Variants in CEP63 observed in about 807,000 individuals in gnomAD.
CEP63 encodes the protein centrosomal protein of 63 kDa.
CEP63 carries 84 observed loss-of-function variants against 89.1 expected under a neutral mutation model. The observed-to-expected ratio is 0.94, with a 90% CI of 0.79 to 1.13. The LOEUF (loss-of-function observed/expected upper bound fraction) is 1.13, where lower values mean the gene tolerates loss of function less well. Among genes scored for constraint, CEP63 ranks in the 50% most tolerant of loss-of-function variants. CEP63 has a pLI of 0.00. For synonymous variants in CEP63, 267 were observed against 272.5 expected (o/e 0.98, Z 0.20); for missense variants, 838 against 813.3 (o/e 1.03, Z -0.37).
chr3:134,526,499 C>T (rs1022882307), intron 3 of CEP63, among the ~76,000 whole-genome samples: 1 of 152,098 alleles, frequency 6.6e-6, no homozygotes, highest in African/African-American at 2.4e-5. Flanking sequence ...TCAGTTCCTG[C>T]ATTGTTTTAT....
the CEP63 span, among the ~76,000 whole-genome samples, chr3:134,697,583 G>A: frequency 2.0e-5 from 3 of 152,176 alleles, no homozygotes; most frequent in African/African-American, 7.2e-5. Flanking sequence ...GTGCTGGAGT[G>A]TTCCCAGCAC....
At chr3:134,656,185 G>A in the CEP63 span, among the ~76,000 whole-genome samples, 1 of 152,146 alleles carries the variant, frequency 6.6e-6, no homozygotes, top group Non-Finnish European at 1.5e-5. Context: ...CAGAGAGGAG[G>A]GGCCAGGAAG....
intron 6 of CEP63, among the ~76,000 whole-genome samples, chr3:134,539,888 A>T (rs1372576316): frequency 1.3e-5 from 2 of 152,222 alleles, no homozygotes; most frequent in Non-Finnish European, 2.9e-5. Context: ...TAAATCACCC[A>T]TAATTCTACC....
intron 3 of CEP63, among the ~76,000 whole-genome samples, chr3:134,530,144 A>T (rs1036934733): frequency 2.6e-5 from 4 of 152,156 alleles, no homozygotes; most frequent in Non-Finnish European, 5.9e-5. Context: ...AAGTGCTGGG[A>T]TTACAGGCAT....
chr3:134,543,358 T>TTCTA (rs759559054), intron 6 of CEP63, among the ~76,000 whole-genome samples: 2 of 152,204 alleles, frequency 1.3e-5, no homozygotes, highest in African/African-American at 2.4e-5. Flanking sequence ...CCCTAGTGCA[T>TTCTA]TCTAGGCAAT....
At position 134,531,892 on chromosome 3, in the gene CEP63, A is replaced by G. The variant is rs761481426; in HGVS notation, c.270A>G (p.Gln90=). 1 of 1,612,004 alleles carries G rather than the reference A, an allele frequency of 6.2e-7. No individual in the cohort carries two copies. The highest frequency in any genetic ancestry group is 8.5e-7 in the Non-Finnish European group (1 of 1,178,246). ...QQVEEHEKIK[Q]EMTMEYKQEL... Reference sequence around the variant, plus strand: ...TAGAAGAACATGAAAAAATCAAGCAAGAGATGACCATGGAATATAAGCAGG... The same window carrying G: ...TAGAAGAACATGAAAAAATCAAGCAGGAGATGACCATGGAATATAAGCAGG... Residue 90 remains glutamine, a synonymous_variant, in exon 4 of 15, where the codon CAA becomes CAG. Coordinates refer to ENST00000675561, the MANE Select transcript of CEP63 (RefSeq NM_001353108.3).
the CEP63 span, among the ~76,000 whole-genome samples, chr3:134,623,078 A>G: frequency 5.9e-5 from 9 of 152,276 alleles, no homozygotes; most frequent in East Asian, 1.7e-3. Flanking sequence ...AATGGTACTC[A>G]GCATTGCAGG....
chr3:134,745,685 C>T, the CEP63 span, among the ~76,000 whole-genome samples: 1 of 151,824 alleles, frequency 6.6e-6, no homozygotes, highest in African/African-American at 2.4e-5. Context: ...TTTCCCTCAG[C>T]CCCCCACCCC....
the CEP63 span, among the ~76,000 whole-genome samples, chr3:134,655,409 G>A: frequency 1.3e-5 from 2 of 152,202 alleles, no homozygotes; most frequent in East Asian, 1.9e-4. Flanking sequence ...AGGAGTTACG[G>A]CACAGCACAG....
At chr3:134,757,660 T>A in the CEP63 span, among the ~76,000 whole-genome samples, 7 of 151,994 alleles carry the variant, frequency 4.6e-5, no homozygotes, top group Admixed American at 3.9e-4. Flanking sequence ...TGCACATGCA[T>A]GTATAGGAGA....
At chr3:134,635,644 T>C in the CEP63 span, among the ~76,000 whole-genome samples, 5 of 152,298 alleles carry the variant, frequency 3.3e-5, no homozygotes, top group East Asian at 7.7e-4. Context: ...ATTCTGATGA[T>C]GGTAACCACC....
At chr3:134,677,220 T>C in the CEP63 span, among the ~76,000 whole-genome samples, 4 of 152,090 alleles carry the variant, frequency 2.6e-5, no homozygotes, top group African/African-American at 7.2e-5. Context: ...GATGGCGCCA[T>C]TGCACTCCAG....
downstream of CEP63, among the ~76,000 whole-genome samples, chr3:134,591,577 C>A (rs995430827): frequency 6.6e-6 from 1 of 152,110 alleles, no homozygotes; most frequent in Non-Finnish European, 1.5e-5. Context: ...AGATACAGGA[C>A]AGGCACAATG....
the CEP63 span, among the ~76,000 whole-genome samples, chr3:134,669,421 T>A: frequency 6.6e-6 from 1 of 152,178 alleles, no homozygotes; most frequent in Admixed American, 6.5e-5. Context: ...TCCGCCCTGA[T>A]ACTTGTGGCC....
chr3:134,616,460 A>T, the CEP63 span, among the ~76,000 whole-genome samples: 8 of 152,218 alleles, frequency 5.3e-5, no homozygotes, highest in Non-Finnish European at 8.8e-5. Context: ...TAATTTACCA[A>T]ACTTTTGGCA....
chr3:134,705,194 A>G, the CEP63 span, among the ~76,000 whole-genome samples: 2 of 152,232 alleles, frequency 1.3e-5, no homozygotes, highest in Non-Finnish European at 2.9e-5. Flanking sequence ...TTCTTAGCTC[A>G]CAGTTCTGTG....
chr3:134,617,282 A>G, the CEP63 span, among the ~76,000 whole-genome samples: 2 of 152,210 alleles, frequency 1.3e-5, no homozygotes, highest in Non-Finnish European at 2.9e-5. Context: ...CTAGGCACAA[A>G]TGGAGCTAAG....
At chr3:134,753,779 G>T in the CEP63 span, among the ~76,000 whole-genome samples, 1 of 152,164 alleles carries the variant, frequency 6.6e-6, no homozygotes, top group African/African-American at 2.4e-5. Flanking sequence ...AGAGAGGTGG[G>T]GTAACTTACC....
At chr3:134,617,752 G>A in the CEP63 span, among the ~76,000 whole-genome samples, 4 of 152,212 alleles carry the variant, frequency 2.6e-5, no homozygotes, top group African/African-American at 9.7e-5. Flanking sequence ...GTTGTGGGCT[G>A]TCCTGGAGCG....
Sources: gnomAD v4.1 joint callset for allele counts (sites outside exome capture counted in the v4.1 genomes callset) on GRCh38, gnomAD v4.1.1 for gene constraint, MANE v1.5 for transcripts, NCBI Gene and HGNC (gene_info 2026-07-23, HGNC 2026-07-21) for gene names.